Variants in HMCN2 observed in about 807,000 individuals in gnomAD.
HMCN2 encodes the protein hemicentin 2.
HMCN2 carries 325 observed loss-of-function variants against 377.5 expected under a neutral mutation model. The ratio of observed to expected loss-of-function variants is 0.86; its 90% CI spans 0.79 to 0.94. The LOEUF (loss-of-function observed/expected upper bound fraction) is 0.94, where lower values mean the gene tolerates loss of function less well. HMCN2 is among the 40% of genes least tolerant of loss of function. HMCN2 has a pLI of 0.00. For missense variants in HMCN2, 4,543 were observed against 4,725.3 expected (o/e 0.96, Z 1.13); for synonymous variants, 2,007 against 2,046.8 (o/e 0.98, Z 0.53).
At position 130,349,072 on chromosome 9, in the gene HMCN2, C is replaced by G; in HGVS notation, c.4244C>G (p.Ser1415Cys). 7.7e-7 allele frequency: 1 copy of G among 1,304,268 alleles called. No homozygotes were observed. The highest frequency in any genetic ancestry group is 1.0e-6 in the Non-Finnish European group (1 of 988,940). 80.8% of individuals were successfully genotyped at this position (1,304,268 alleles called of 1,614,324 possible). ...RIQEGDSGLY[S>C]CRAENQAGTA... ...CAGGAGGGTGATTCTGGGCTCTACT[C>G]CTGCCGGGCAGAGAACCAGGCTGGC... Residue 1415 changes from serine to cysteine, a missense_variant, in exon 28 of 98, where the codon TCC becomes TGC. Ser to Cys is a moderately radical substitution (Grantham distance 112). This residue lies in a region of HMCN2 where 1,032 missense variants were observed against 1,285.1 expected (regional missense o/e 0.80). Transcript: ENST00000683500.
chr9:130,391,450 G>A lies in HMCN2; in HGVS notation c.9828G>A (p.Arg3276=). 8.1e-6 allele frequency: 8 copies of A among 987,906 alleles called. No homozygotes were observed. The highest frequency in any genetic ancestry group is 9.6e-6 in the Non-Finnish European group (8 of 830,204). The allele number at this position is 987,906 out of a possible 1,614,324, so 61.2% of individuals were successfully genotyped here. A position where few individuals can be genotyped will look rare whatever the true frequency, so the allele number is the denominator to read the frequency against. ...CCTGGGCCCTCCTTCCCTGTGGCAG[G>A]TTCTACCTGGACGGCGGCTCCCTGG... ...PLGQDMGPHL[R]FYLDGGSLVL... The change falls in exon 65 of 98, where the codon CGG becomes CGA. Residue 3276 remains arginine, a splice_region_variant and synonymous_variant. Coordinates refer to ENST00000683500, the MANE Select transcript of HMCN2 (RefSeq NM_001291815.2).
At chr9:130,324,352 C>T (rs1266458055) in intron 19 of HMCN2, among the ~76,000 whole-genome samples, 2 of 152,140 alleles carry the variant, frequency 1.3e-5, no homozygotes, top group African/African-American at 4.8e-5. Context: ...GAATTTTATT[C>T]CTTTTAAAAA....
Position 130,425,895 on chromosome 9 carries a change from G to A in HMCN2, c.13850G>A (p.Arg4617His), listed in dbSNP as rs773378297. Residue 4617 changes from arginine to histidine, a missense_variant, in exon 90 of 98, where the codon CGC becomes CAC. By Grantham distance (29) the Arg-to-His change is conservative. Coordinates refer to ENST00000683500, the MANE Select transcript of HMCN2 (RefSeq NM_001291815.2). Reference sequence around the variant, plus strand: ...TTTGATCCAGAGGCCGAGGCCCTGCGCTTCCAGCTCGCTACAGCCCTGCAG... The same window carrying A: ...TTTGATCCAGAGGCCGAGGCCCTGCACTTCCAGCTCGCTACAGCCCTGCAG... ...SAFDPEAEAL[R>H]FQLATALQAE... is the part of the protein sequence containing the mutation. The A allele has an allele frequency of 7.1e-6, 11 of 1,549,218 alleles. No homozygotes were observed. Among genetic ancestry groups the A allele is most frequent in the South Asian group, 4.8e-5 (4 of 84,002 alleles).
intron 48 of HMCN2, 95 bp from the exon 49 acceptor site, chr9:130,374,403 AAAAT>A: frequency 1.7e-6 from 1 of 575,538 alleles, no homozygotes; most frequent in Non-Finnish European, 2.2e-6. Context: ...GCCGGAATGG[AAAAT>A]TCACATCCCC....
Position 130,304,930 on chromosome 9 carries a change from G to A in HMCN2, c.1744G>A (p.Gly582Ser), listed in dbSNP as rs782386895. ...LEISGIIPTD[G>S]GRYQCVASNA... ...GATCAGTGGCATCATCCCCACAGAC[G>A]GCGGGAGGTACCAGTGTGTGGCCAG... The change falls in exon 11 of 98, where the codon GGC becomes AGC. Residue 582 changes from glycine to serine, a missense_variant. Around this residue, in one of 5 missense-constraint regions of HMCN2, gnomAD observed 547 missense variants for 189.9 expected, o/e 2.88. Coordinates refer to ENST00000683500, the MANE Select transcript of HMCN2 (RefSeq NM_001291815.2). This position sits in a 1 kb window ranked among gnomAD's most constrained non-coding sequence, Gnocchi z 4.3. 2.1e-6 allele frequency: 1 copy of A among 471,132 alleles called. No individual in the cohort carries two copies. Among genetic ancestry groups the A allele is most frequent in the Non-Finnish European group, 4.4e-6 (1 of 227,046 alleles). 29.2% of individuals were successfully genotyped at this position (471,132 alleles called of 1,614,324 possible).
intron 4 of HMCN2, among the ~76,000 whole-genome samples, chr9:130,289,270 G>A (rs539635228): frequency 6.6e-6 from 1 of 152,302 alleles, no homozygotes; most frequent in Admixed American, 6.5e-5. Context: ...CACAAAGGGT[G>A]AATTGCCTGT....
intron 25 of HMCN2, among the ~76,000 whole-genome samples, chr9:130,344,013 G>A (rs1839203010): frequency 6.6e-6 from 1 of 152,130 alleles, no homozygotes; most frequent in African/African-American, 2.4e-5. Flanking sequence ...GTGGGGAGGG[G>A]GCGGCGTGAG....
chr9:130,312,903 A>G (rs1286036990), intron 15 of HMCN2, among the ~76,000 whole-genome samples: 2 of 151,558 alleles, frequency 1.3e-5, no homozygotes, highest in Admixed American at 6.6e-5. Flanking sequence ...CAGGTGATCT[A>G]CCCGCCTCGG....
rs782179863 is a variant in HMCN2 at position 130,302,926 on chromosome 9, C to T, written c.1346C>T (p.Ser449Leu). ...CACCAGCCCCTGCTGGTCTCCTGCT[C>T]GGTGCACAGTGCCCTTCCCTTCCGG... ...YLHQPLLVSC[S>L]VHSALPFRLQ... The change falls in exon 9 of 98, where the codon TCG becomes TTG. Residue 449 changes from serine (S) to leucine (L), a missense_variant. Ser to Leu is a moderately radical substitution (Grantham distance 145). Transcript: ENST00000683500. 5.1e-5 allele frequency: 24 copies of T among 470,870 alleles called. No homozygotes were observed. Among genetic ancestry groups the T allele is most frequent in the South Asian group, 1.7e-4 (11 of 64,548 alleles). 29.2% of individuals were successfully genotyped at this position (470,870 alleles called of 1,614,324 possible).
chr9:130,293,279 G>GTTTTTTTTTTTTTTTTTTTTTTTTT lies in HMCN2; in HGVS notation c.613-1555_613-1554insTTTTTTTTTTTTTTTTTTTTTTTTT, dbSNP rs71387339. On this transcript the variant is annotated intron_variant, in intron 4 of 97. Transcript: ENST00000683500. ...TTCCAAATAAAATCTACTCACTAAA[G>GTTTTTTTTTTTTTTTTTTTTTTTTT]TTTTTTTTTTTTTTTTTTTTTGCGG... Among the ~76,000 whole-genome samples, 92 of 57,120 alleles carry GTTTTTTTTTTTTTTTTTTTTTTTTT rather than the reference G, an allele frequency of 1.6e-3. 18 individuals carry two copies. Among genetic ancestry groups the GTTTTTTTTTTTTTTTTTTTTTTTTT allele is most frequent in the Middle Eastern group, 0.015 (1 of 66 alleles). The allele number at this position is 57,120 out of a possible 152,430, so 37.5% of individuals were successfully genotyped here. A position where few individuals can be genotyped will look rare whatever the true frequency, so the allele number is the denominator to read the frequency against.
chr9:130,380,792 GA>G (rs1317555185), intron 54 of HMCN2, among the ~76,000 whole-genome samples: 2,467 of 90,474 alleles, frequency 0.027, 20 homozygotes, highest in Middle Eastern at 0.029. Flanking sequence ...CTCAAAAAAA[GA>G]AAAAAAAAAA....
chr9:130,390,288 G>A (rs975296432), intron 62 of HMCN2, among the ~76,000 whole-genome samples: 1 of 151,948 alleles, frequency 6.6e-6, no homozygotes, highest in South Asian at 2.1e-4. Context: ...GCTCCATCAG[G>A]GGCTCACAGG....
chr9:130,274,065 T>C (rs554342198), intron 1 of HMCN2, among the ~76,000 whole-genome samples: 1 of 151,626 alleles, frequency 6.6e-6, no homozygotes, highest in East Asian at 1.9e-4. Flanking sequence ...TTTTTTTTTT[T>C]TTTGAGAGAC....
chr9:130,375,174 A>C (rs1841304909), intron 49 of HMCN2, among the ~76,000 whole-genome samples: 1 of 152,214 alleles, frequency 6.6e-6, no homozygotes, highest in Admixed American at 6.5e-5. Context: ...TGAAAGAAGA[A>C]ATCTTGGGAC....
Position 130,433,444 on chromosome 9 carries a change from C to T in HMCN2, c.14991C>T (p.His4997=), listed in dbSNP as rs1356704438. The change falls in exon 98 of 98, where the codon CAC becomes CAT. Residue 4997 remains histidine, a synonymous_variant. Coordinates refer to ENST00000683500, the MANE Select transcript of HMCN2 (RefSeq NM_001291815.2). ...CGCTGCCCCTGGGCGTGCGCGCCCACCACGACGTGGCCCGCCTCACCGCCT... is the reference window on the plus strand; with the variant it reads ...CGCTGCCCCTGGGCGTGCGCGCCCATCACGACGTGGCCCGCCTCACCGCCT... The part of the protein sequence containing the change: ...LLPLPLGVRA[H]HDVARLTAFS... 12 of 1,498,002 alleles carry T rather than the reference C, an allele frequency of 8.0e-6. No homozygotes were observed. Among genetic ancestry groups the T allele is most frequent in the African/African-American group, 7.3e-5 (5 of 68,732 alleles). The allele number at this position is 1,498,002 out of a possible 1,614,324, so 92.8% of individuals were successfully genotyped here.
Position 130,388,332 on chromosome 9 carries a change from G to T in HMCN2, c.9392-77G>T, listed in dbSNP as rs539343921. ...CTAACTACCAGGAAGGGCTTCTTAG[G>T]CCTCCCTGATCTGCCTGAGGGGAAG... is the stretch of plus-strand genomic sequence containing the variant. On this transcript the variant is annotated intron_variant, in intron 61 of 97. Transcript: ENST00000683500. 2.0e-5 allele frequency: 19 copies of T among 953,886 alleles called. No individual in the cohort carries two copies. In the South Asian group the frequency reaches 8.2e-4, roughly 41 times the overall value. 59.1% of individuals were successfully genotyped at this position (953,886 alleles called of 1,614,324 possible). A position where few individuals can be genotyped will look rare whatever the true frequency, so the allele number is the denominator to read the frequency against.
chr9:130,356,901 G>A (rs1001672483), intron 34 of HMCN2, among the ~76,000 whole-genome samples: 6 of 152,172 alleles, frequency 3.9e-5, no homozygotes, highest in African/African-American at 1.4e-4. Context: ...TCAGTGGGTG[G>A]GTGGATGGAT....
In HMCN2 at chr9:130,391,102, T is replaced by A; in HGVS notation, c.9649T>A (p.Phe3217Ile). The A allele has an allele frequency of 1.0e-6, 1 of 987,760 alleles. No homozygotes were observed. Among genetic ancestry groups the A allele is most frequent in the Non-Finnish European group, 1.2e-6 (1 of 830,186 alleles). The allele number at this position is 987,760 out of a possible 1,614,324, so 61.2% of individuals were successfully genotyped here. ...CACCCAGGCTGAGGCCCGCAAGGAC[T>A]TCGTGGTAGCAGTGCTGGGTAGGTC... ...ENTQAEARKD[F>I]VVAVLVAPRI... Residue 3217 changes from phenylalanine (F) to isoleucine (I), a missense_variant, in exon 63 of 98, where the codon TTC becomes ATC. Phe to Ile is a conservative substitution (Grantham distance 21). Around this residue, in one of 5 missense-constraint regions of HMCN2, gnomAD observed 736 missense variants for 773.2 expected, o/e 0.95. Transcript: ENST00000683500.
intron 54 of HMCN2, among the ~76,000 whole-genome samples, chr9:130,381,698 G>A (rs1841731261): frequency 6.6e-6 from 1 of 152,070 alleles, no homozygotes; most frequent in South Asian, 2.1e-4. Context: ...TTTGATCACA[G>A]AGGGTCCCAG....
Sources: allele counts gnomAD v4.1 joint callset (sites outside exome capture counted in the v4.1 genomes callset), GRCh38; gene constraint gnomAD v4.1.1; regional missense constraint gnomAD v4.1.1; non-coding constraint Gnocchi (gnomAD v3.1); transcripts MANE v1.5; gene names NCBI Gene and HGNC (gene_info 2026-07-23, HGNC 2026-07-21).